BTBD1: variants seen among roughly 807,000 people sequenced by gnomAD.
BTBD1 encodes the protein BTB domain containing 1.
Under a neutral mutation model 48.0 loss-of-function variants are expected in BTBD1, and 34 were observed. The observed-to-expected ratio is 0.71, with a 90% CI of 0.54 to 0.94. The LOEUF is 0.94. BTBD1 is among the 40% of genes least tolerant of loss of function. The probability of loss-of-function intolerance (pLI) is 0.00; values close to 1 mark genes in which losing one functional copy is unlikely to be tolerated. For synonymous variants in BTBD1, 261 were observed against 242.1 expected (o/e 1.08, Z -0.72); for missense variants, 543 against 625.6 (o/e 0.87, Z 1.41).
At chr15:83,064,995 C>T (rs899392651) in intron 1 of BTBD1, among the ~76,000 whole-genome samples, 14 of 152,118 alleles carry the variant, frequency 9.2e-5, no homozygotes, top group African/African-American at 9.7e-5. Context: ...CCTTTTATCC[C>T]GGTCTCTAGG....
At chr15:83,062,645 T>C (rs1224896046) in intron 1 of BTBD1, among the ~76,000 whole-genome samples, 1 of 152,200 alleles carries the variant, frequency 6.6e-6, no homozygotes, top group Non-Finnish European at 1.5e-5. Context: ...ATTAATAACA[T>C]GTCCATCTGC....
intron 6 of BTBD1, 151 bp from the exon 7 acceptor site, chr15:83,019,004 TG>T (rs2032231613): frequency 2.0e-5 from 2 of 98,680 alleles, no homozygotes; most frequent in South Asian, 1.4e-4. Context: ...GGGTGGGGGG[TG>T]GTGTGTGTGT....
chr15:83,018,017 G>T lies in BTBD1; in HGVS notation c.*50C>A. 1 of 1,260,448 alleles carries T rather than the reference G, an allele frequency of 7.9e-7. No homozygotes were observed. Among genetic ancestry groups the T allele is most frequent in the South Asian group, 2.1e-5 (1 of 48,326 alleles). The allele number at this position is 1,260,448 out of a possible 1,614,324, so 78.1% of individuals were successfully genotyped here. A position where few individuals can be genotyped will look rare whatever the true frequency, so the allele number is the denominator to read the frequency against. On this transcript the variant is annotated 3_prime_UTR_variant, in exon 8 of 8. Transcript: ENST00000261721. ...CTTTTTTGTGGCCATTTATGTTTTT[G>T]ACACTAGATTGTATGGTATTATTTA...
intron 1 of BTBD1, among the ~76,000 whole-genome samples, chr15:83,059,078 C>T (rs4079029): frequency 0.41 from 62,093 of 152,052 alleles, 13,924 homozygotes; most frequent in African/African-American, 0.59. Context: ...AAGACACAGA[C>T]TGAAGACACT....
At chr15:83,055,880 C>A (rs1011193987) in intron 2 of BTBD1, among the ~76,000 whole-genome samples, 1 of 152,230 alleles carries the variant, frequency 6.6e-6, no homozygotes, top group East Asian at 1.9e-4. Flanking sequence ...GTCACAACAC[C>A]CCACTTATAT....
At chr15:83,057,243 T>C (rs543036143) in intron 1 of BTBD1, among the ~76,000 whole-genome samples, 8 of 152,348 alleles carry the variant, frequency 5.3e-5, no homozygotes, top group African/African-American at 1.9e-4. Flanking sequence ...GGCTTCTGAC[T>C]GTTTTCAGTG....
chr15:83,065,779 T>C (rs557768630), intron 1 of BTBD1, among the ~76,000 whole-genome samples: 3 of 151,818 alleles, frequency 2.0e-5, no homozygotes, highest in South Asian at 4.1e-4. Flanking sequence ...TGGCTGTGAT[T>C]AAAAGCTAGT....
chr15:83,064,866 C>T (rs925163328), intron 1 of BTBD1, among the ~76,000 whole-genome samples: 3 of 152,282 alleles, frequency 2.0e-5, no homozygotes, highest in African/African-American at 7.2e-5. Context: ...AGGTCCCCCC[C>T]CTTTATAAAT....
chr15:83,065,775 T>C (rs2033257356), intron 1 of BTBD1, among the ~76,000 whole-genome samples: 2 of 151,958 alleles, frequency 1.3e-5, no homozygotes, highest in Non-Finnish European at 2.9e-5. Flanking sequence ...AGGATGGCTG[T>C]GATTAAAAGC....
chr15:83,021,666 A>C (rs1596420761), intron 5 of BTBD1, among the ~76,000 whole-genome samples: 1 of 151,984 alleles, frequency 6.6e-6, no homozygotes, highest in Non-Finnish European at 1.5e-5. Flanking sequence ...AGGCAGGAGA[A>C]TCGTTTGAAC....
At chr15:83,018,510 TAAG>T (rs2032216600) in intron 7 of BTBD1, among the ~76,000 whole-genome samples, 194 bp downstream of exon 7, 1 of 152,244 alleles carries the variant, frequency 6.6e-6, no homozygotes, top group South Asian at 2.1e-4. Context: ...GGCTACTTCT[TAAG>T]AAGAGCTATT....
chr15:83,029,921 C>T, intron 5 of BTBD1: 1 of 581,846 alleles, frequency 1.7e-6, no homozygotes, highest in South Asian at 2.2e-5. Context: ...CTTTCTTACT[C>T]TATTTTTTTC....
intron 1 of BTBD1, among the ~76,000 whole-genome samples, chr15:83,058,901 A>G (rs958965363): frequency 3.9e-5 from 6 of 152,208 alleles, no homozygotes; most frequent in Non-Finnish European, 8.8e-5. Context: ...GATTAGATCT[A>G]AAGATTAAAA....
In BTBD1 at chr15:83,036,015, G is replaced by A. The variant is rs1055578869; in HGVS notation, c.863-5687C>T. Among the ~76,000 whole-genome samples the A allele has an allele frequency of 4.0e-5, 6 of 148,448 alleles. No individual in the cohort carries two copies. The South Asian group carries it at 6.4e-4, about 16-fold the overall frequency. On this transcript the variant is annotated intron_variant, in intron 4 of 7. Transcript: ENST00000261721. ...TGCATAACAACCAAGTCTGATTTAC[G>A]TAAGGAATCCAAAATAGGTTTAAAT... is the stretch of plus-strand genomic sequence containing the variant.
intron 1 of BTBD1, among the ~76,000 whole-genome samples, chr15:83,060,015 AT>A (rs1377496278): frequency 1.3e-5 from 2 of 152,242 alleles, no homozygotes; most frequent in African/African-American, 4.8e-5. Flanking sequence ...ATACTGGACA[AT>A]AAACAGTAAG....
At chr15:83,038,686 C>G (rs1178675894) in intron 4 of BTBD1, among the ~76,000 whole-genome samples, 1 of 152,098 alleles carries the variant, frequency 6.6e-6, no homozygotes, top group Non-Finnish European at 1.5e-5. Context: ...CAGCATGTTA[C>G]TGGTACAAAA....
At chr15:83,061,581 C>T (rs1270356436) in intron 1 of BTBD1, 2 of 152,238 alleles carry the variant, frequency 1.3e-5, no homozygotes, top group East Asian at 3.9e-4. Flanking sequence ...AGACCTACAC[C>T]TTAAGGATGC....
intron 4 of BTBD1, among the ~76,000 whole-genome samples, chr15:83,037,015 T>C (rs962194972): frequency 2.0e-5 from 3 of 152,176 alleles, no homozygotes; most frequent in East Asian, 1.9e-4. Flanking sequence ...ACTATATGGA[T>C]GTTAAACTTT....
At chr15:83,051,474 T>TTA (rs372292562) in intron 2 of BTBD1, among the ~76,000 whole-genome samples, 10,780 of 148,446 alleles carry the variant, frequency 0.073, 402 homozygotes, top group Middle Eastern at 0.12. Flanking sequence ...ATTTTAAAAA[T>TTA]TATATATATA....
Sources: gnomAD v4.1 joint callset for allele counts (sites outside exome capture counted in the v4.1 genomes callset) on GRCh38, gnomAD v4.1.1 for gene constraint, MANE v1.5 for transcripts, NCBI Gene and HGNC (gene_info 2026-07-23, HGNC 2026-07-21) for gene names.